ESRRB: variants seen among roughly 807,000 people sequenced by gnomAD.
The protein encoded by ESRRB is estrogen related receptor beta.
ESRRB carries 16 observed loss-of-function variants against 46.0 expected under a neutral mutation model. The ratio of observed to expected loss-of-function variants is 0.35; its 90% confidence interval spans 0.24 to 0.53. The LOEUF is 0.53. Among genes scored for constraint, ESRRB ranks in the 20% least tolerant of loss-of-function variants. The pLI, the probability that ESRRB is intolerant of heterozygous loss-of-function variation, is 0.93. For synonymous variants in ESRRB, 246 were observed against 259.6 expected, an observed-to-expected ratio of 0.95 and a Z score of 0.50; for missense variants, 488 against 607.4, an observed-to-expected ratio of 0.80 and a Z score of 2.07.
chr14:76,495,211 G>A (rs773795399), intron 6 of ESRRB, among the ~76,000 whole-genome samples: 2 of 151,896 alleles, frequency 1.3e-5, no homozygotes, highest in African/African-American at 4.8e-5. Context: ...AATCCATATC[G>A]AACTTCTGTT....
At chr14:76,367,968 T>A (rs1254502454), upstream of ESRRB, among the ~76,000 whole-genome samples, 1 of 144,214 alleles carries the variant, frequency 6.9e-6, no homozygotes, top group East Asian at 2.2e-4. Flanking sequence ...TTTTTTTTTT[T>A]TTGAGACGGA....
chr14:76,345,574 A>G (rs1411453691), intron 1 of ESRRB, among the ~76,000 whole-genome samples: 3 of 152,222 alleles, frequency 2.0e-5, no homozygotes, highest in Non-Finnish European at 4.4e-5. Context: ...GTGATCAGGA[A>G]CACTTCCACA....
At chr14:76,407,989 C>T (rs1255253041) in intron 1 of ESRRB, among the ~76,000 whole-genome samples, 1 of 152,166 alleles carries the variant, frequency 6.6e-6, no homozygotes. Context: ...CACCAGGCAG[C>T]ACACAGACCT....
intron 1 of ESRRB, among the ~76,000 whole-genome samples, chr14:76,324,963 C>CTTT (rs34780208): frequency 0.063 from 6,374 of 101,776 alleles, 245 homozygotes; most frequent in South Asian, 0.13. Context: ...TTTTCTTTTT[C>CTTT]TTTTTTTTTT....
chr14:76,376,999 G>A lies in ESRRB; in HGVS notation c.50+548G>A, dbSNP rs568653317. On this transcript the variant is annotated intron_variant, in intron 1 of 6. Transcript: ENST00000644823. The surrounding 1 kb of genome is among the most constrained non-coding windows in gnomAD (Gnocchi z 4.1). Reference sequence around the variant, plus strand: ...CCTCGCGGTCTCCGTGGGGCGCCCCGAGGGTGCGCACGTGGCGCGGCGGAT... The same window carrying A: ...CCTCGCGGTCTCCGTGGGGCGCCCCAAGGGTGCGCACGTGGCGCGGCGGAT... Among the ~76,000 whole-genome samples the A allele has an allele frequency of 2.6e-5, 4 of 152,342 alleles. No homozygotes were observed. In the East Asian group the frequency reaches 7.7e-4, roughly 29 times the overall value.
chr14:76,414,036 C>CGTCCCCTGCCCCTGCACG (rs1886570342), intron 1 of ESRRB, among the ~76,000 whole-genome samples: 1 of 51,970 alleles, frequency 1.9e-5, no homozygotes, highest in Admixed American at 1.8e-4. Context: ...GCCCCTGCAC[C>CGTCCCCTGCCCCTGCACG]GTCCCCTGCC....
At chr14:76,388,574 A>C (rs997847573) in intron 1 of ESRRB, among the ~76,000 whole-genome samples, 1 of 151,990 alleles carries the variant, frequency 6.6e-6, no homozygotes, top group East Asian at 1.9e-4. Context: ...GGAGGGGGAA[A>C]AGACCAAGAC....
chr14:76,388,280 G>A (rs977912705), intron 1 of ESRRB, among the ~76,000 whole-genome samples: 1 of 147,238 alleles, frequency 6.8e-6, no homozygotes, highest in Admixed American at 6.9e-5. Flanking sequence ...CCAGGTTCAC[G>A]CCGTTCTCCT....
chr14:76,426,517 A>T (rs933860976), intron 1 of ESRRB, among the ~76,000 whole-genome samples: 40 of 152,324 alleles, frequency 2.6e-4, no homozygotes, highest in Non-Finnish European at 4.9e-4. Context: ...ATTGCAAGGG[A>T]CACCATGATT....
At chr14:76,318,895 C>A (rs532813635) in intron 1 of ESRRB, among the ~76,000 whole-genome samples, 1 of 152,320 alleles carries the variant, frequency 6.6e-6, no homozygotes, top group South Asian at 2.1e-4. Context: ...TGGCTGACCA[C>A]AATACCCCTA....
In ESRRB at chr14:76,500,418, AT is replaced by A; in HGVS notation, c.*1963del. On this transcript the variant is annotated 3_prime_UTR_variant, in exon 7 of 7. Coordinates refer to ENST00000644823, the MANE Select transcript of ESRRB (RefSeq NM_001379180.1). ...TTCCCTCATTTGGGTGGAGGCACAC[AT>A]TTGGGGCAAAGGCCCCTTCTTGGCA... The A allele has an allele frequency of 1.7e-6, 1 of 589,508 alleles. No individual in the cohort carries two copies. Among genetic ancestry groups the A allele is most frequent in the Non-Finnish European group, 3.0e-6 (1 of 332,156 alleles). 36.5% of individuals were successfully genotyped at this position (589,508 alleles called of 1,614,324 possible). A position where few individuals can be genotyped will look rare whatever the true frequency, so the allele number is the denominator to read the frequency against.
intron 3 of ESRRB, among the ~76,000 whole-genome samples, chr14:76,469,860 C>T (rs1191284958): frequency 2.7e-5 from 4 of 147,896 alleles, no homozygotes; most frequent in African/African-American, 9.9e-5. Context: ...AAAAAGTAAA[C>T]ATTGAATAGA....
At chr14:76,338,816 G>A (rs1157266492) in intron 1 of ESRRB, among the ~76,000 whole-genome samples, 2 of 152,110 alleles carry the variant, frequency 1.3e-5, no homozygotes, top group Non-Finnish European at 2.9e-5. Flanking sequence ...GGGTGTGGTG[G>A]CCTGTAATCC....
intron 1 of ESRRB, among the ~76,000 whole-genome samples, chr14:76,336,618 A>G (rs966984630): frequency 2.0e-5 from 3 of 152,168 alleles, no homozygotes; most frequent in African/African-American, 4.8e-5. Context: ...GACAGAAACC[A>G]GCAGTCTGCA....
intron 1 of ESRRB, among the ~76,000 whole-genome samples, chr14:76,399,150 CTG>C (rs1028626628): frequency 1.3e-5 from 2 of 152,034 alleles, no homozygotes; most frequent in African/African-American, 2.4e-5. Context: ...GTTCCTGTGG[CTG>C]TGTGATGAGG....
chr14:76,311,249 G>A (rs748896317), intron 1 of ESRRB, among the ~76,000 whole-genome samples: 1 of 152,172 alleles, frequency 6.6e-6, no homozygotes, highest in Non-Finnish European at 1.5e-5. Context: ...CATCAGAAGG[G>A]CAAGGGAAAG....
chr14:76,404,015 G>A (rs980255512), intron 1 of ESRRB, among the ~76,000 whole-genome samples: 5 of 152,158 alleles, frequency 3.3e-5, no homozygotes, highest in African/African-American at 9.7e-5. Context: ...CACCATGCCC[G>A]GCTGGGAGCA....
At chr14:76,338,068 T>C (rs1884148935) in intron 1 of ESRRB, among the ~76,000 whole-genome samples, 1 of 152,190 alleles carries the variant, frequency 6.6e-6, no homozygotes, top group Non-Finnish European at 1.5e-5. Context: ...CATTAATGAT[T>C]GGCATATTTT....
chr14:76,427,646 T>G (rs1887261294), intron 1 of ESRRB, among the ~76,000 whole-genome samples: 1 of 152,166 alleles, frequency 6.6e-6, no homozygotes, highest in African/African-American at 2.4e-5. Context: ...AGAATCTAAA[T>G]GGAAGCTGTC....
Sources: allele counts gnomAD v4.1 joint callset (sites outside exome capture counted in the v4.1 genomes callset), GRCh38; gene constraint gnomAD v4.1.1; non-coding constraint Gnocchi (gnomAD v3.1); transcripts MANE v1.5; gene names NCBI Gene and HGNC (gene_info 2026-07-23, HGNC 2026-07-21).